The following OR51B5 variants were observed in gnomAD, a reference collection of about 807,000 sequenced individuals.
OR51B5 encodes the protein olfactory receptor 51B5.
For missense variants in OR51B5, 456 were observed against 374.6 expected, an observed-to-expected ratio of 1.22 and a Z score of -1.79; for synonymous variants, 186 against 144.8, an observed-to-expected ratio of 1.28 and a Z score of -2.04.
chr11:5,478,250 T>C (rs61892081), intron 1 of OR51B5, among the ~76,000 whole-genome samples: 15,679 of 151,150 alleles, frequency 0.1, 867 homozygotes, highest in Middle Eastern at 0.16. Context: ...AGCAGGGGCA[T>C]ACTGACACCT....
intron 1 of OR51B5, chr11:5,422,386 T>C (rs1041823434): frequency 3.1e-6 from 5 of 1,614,150 alleles, no homozygotes; most frequent in African/African-American, 1.3e-5. Context: ...AGCGCATGTA[T>C]CTGTTTCTCT....
chr11:5,458,439 G>A (rs1850994515), intron 1 of OR51B5, among the ~76,000 whole-genome samples: 1 of 152,082 alleles, frequency 6.6e-6, no homozygotes, highest in African/African-American at 2.4e-5. Flanking sequence ...TTGGCTCTTT[G>A]CATTCTTTTT....
In OR51B5 at chr11:5,495,346, T is replaced by A. The variant is rs117511256; in HGVS notation, n.84+10223A>T. On this transcript the variant is annotated intron_variant and non_coding_transcript_variant, in intron 1 of 4. Transcript: ENST00000415970. ...GGTGTAATGGTAATGTGTAACTCAC[T>A]TTTAATCTTAGTATAAAAGTTAAAA... 1.7e-3 allele frequency among the ~76,000 whole-genome samples: 252 copies of A among 152,374 alleles called. 3 individuals are homozygous for A. The East Asian group carries it at 0.04, about 24-fold the overall frequency.
chr11:5,403,521 C>G (rs1447097251), intron 1 of OR51B5: 2 of 471,264 alleles, frequency 4.2e-6, no homozygotes, highest in East Asian at 7.0e-5. Context: ...TGTCCGAATG[C>G]TATTAGAGAA....
At chr11:5,431,212 A>G (rs1566276) in intron 1 of OR51B5, 81,191 of 356,118 alleles carry the variant, frequency 0.23, 9,601 homozygotes, top group East Asian at 0.4. Flanking sequence ...ATAGCGCAGG[A>G]GGTTGTAGAT....
intron 1 of OR51B5, among the ~76,000 whole-genome samples, chr11:5,418,433 AAAAAG>A (rs1850275156): frequency 8.4e-6 from 1 of 118,762 alleles, no homozygotes; most frequent in Non-Finnish European, 2.1e-5. Context: ...AAAACAAAAC[AAAAAG>A]AAAAACAAAA....
At chr11:5,382,974 G>C (rs1182768995) in intron 1 of OR51B5, among the ~76,000 whole-genome samples, 1 of 152,122 alleles carries the variant, frequency 6.6e-6, no homozygotes, top group East Asian at 1.9e-4. Context: ...CCAAGAGTGT[G>C]TGTGTGTTTG....
At chr11:5,500,637 C>T (rs1304888698) in intron 1 of OR51B5, among the ~76,000 whole-genome samples, 6 of 148,202 alleles carry the variant, frequency 4.0e-5, no homozygotes, top group South Asian at 2.1e-4. Context: ...GTCCTAATTG[C>T]GGCCTTGCAA....
intron 1 of OR51B5, among the ~76,000 whole-genome samples, chr11:5,357,931 C>A (rs1259690371): frequency 1.3e-5 from 2 of 151,988 alleles, no homozygotes; most frequent in Middle Eastern, 3.2e-3. Context: ...TAAAAATGTT[C>A]TTTGGAACCA....
intron 1 of OR51B5, among the ~76,000 whole-genome samples, chr11:5,357,970 T>C (rs921228329): frequency 2.0e-5 from 3 of 151,902 alleles, no homozygotes; most frequent in African/African-American, 7.3e-5. Context: ...CATACCAGAA[T>C]CTCTGGGACA....
At position 5,389,513 on chromosome 11, in the gene OR51B5, A is replaced by G. The variant is rs373301478; in HGVS notation, n.85-42603T>C. 73 of 1,613,758 alleles carry G rather than the reference A, an allele frequency of 4.5e-5. 1 individual carries two copies. The highest frequency in any genetic ancestry group is 8.3e-5 in the Admixed American group (5 of 59,994). On this transcript the variant is annotated intron_variant and non_coding_transcript_variant, in intron 1 of 4. Transcript: ENST00000415970. ...TGGATTGGAAGGCATCAAACACTGG[A>G]TTTTCATCCCCTTTTTCTTTATGTA...
Position 5,441,492 on chromosome 11 carries a change from G to T in OR51B5, n.84+64077C>A, listed in dbSNP as rs377352485. 2.5e-6 allele frequency: 4 copies of T among 1,612,170 alleles called. No individual in the cohort carries two copies. In the African/African-American group the frequency reaches 4.0e-5, roughly 16 times the overall value. On this transcript the variant is annotated intron_variant and non_coding_transcript_variant, in intron 1 of 4. Transcript: ENST00000415970. ...CAGCTGGAGTGTTGCTGGCTGGAAG[G>T]GGGTGCCATTGAGACCCAGCATGGT...
intron 1 of OR51B5, among the ~76,000 whole-genome samples, chr11:5,495,012 C>T (rs753042956): frequency 6.6e-6 from 1 of 152,130 alleles, no homozygotes; most frequent in Non-Finnish European, 1.5e-5. Flanking sequence ...GGGACATTAG[C>T]AACATAATGA....
At chr11:5,374,147 G>A (rs557259134) in intron 1 of OR51B5, among the ~76,000 whole-genome samples, 218 of 152,260 alleles carry the variant, frequency 1.4e-3, no homozygotes, top group African/African-American at 5.1e-3. Flanking sequence ...CCAGAGGAAC[G>A]ATCAGACAGC....
intron 1 of OR51B5, among the ~76,000 whole-genome samples, chr11:5,417,028 T>G: frequency 6.8e-6 from 1 of 148,018 alleles, no homozygotes. Flanking sequence ...CTTCAAACTA[T>G]ACTACAAGGC....
chr11:5,397,334 C>T (rs140688814), intron 1 of OR51B5, among the ~76,000 whole-genome samples: 3,875 of 152,168 alleles, frequency 0.025, 163 homozygotes, highest in African/African-American at 0.087. Context: ...CCAGAATCTA[C>T]AATGAACTCA....
At chr11:5,373,996 G>C (rs981364451) in intron 1 of OR51B5, among the ~76,000 whole-genome samples, 2 of 152,324 alleles carry the variant, frequency 1.3e-5, no homozygotes, top group African/African-American at 4.8e-5. Flanking sequence ...CCAGCACACA[G>C]CTGGAGATCT....
At chr11:5,357,348 T>A (rs1246226623) in intron 1 of OR51B5, among the ~76,000 whole-genome samples, 1 of 150,522 alleles carries the variant, frequency 6.6e-6, no homozygotes, top group Admixed American at 6.6e-5. Flanking sequence ...AAAACAGGCT[T>A]TAAACCAACA....
intron 1 of OR51B5, among the ~76,000 whole-genome samples, chr11:5,451,694 G>A (rs1850851965): frequency 6.6e-6 from 1 of 152,110 alleles, no homozygotes; most frequent in African/African-American, 2.4e-5. Flanking sequence ...ATGTTCCTGG[G>A]TCCCCTTTCT....
Sources: allele counts gnomAD v4.1 joint callset (sites outside exome capture counted in the v4.1 genomes callset), GRCh38; gene constraint gnomAD v4.1.1; transcripts MANE v1.5; gene names NCBI Gene and HGNC (gene_info 2026-07-23, HGNC 2026-07-21).